C1orf87: variants seen among roughly 807,000 people sequenced by gnomAD.
The protein encoded by C1orf87 is uncharacterized protein C1orf87.
A neutral mutation model predicts 60.5 loss-of-function variants in C1orf87; 58 were observed. The observed-to-expected ratio is 0.96, with a 90% CI of 0.78 to 1.19. The LOEUF is 1.19. Among genes scored for constraint, C1orf87 ranks in the 50% most tolerant of loss-of-function variants. C1orf87 has a pLI of 0.00. For missense variants in C1orf87, 673 were observed against 638.6 expected, an observed-to-expected ratio of 1.05 and a Z score of -0.58; for synonymous variants, 236 against 227.4, an observed-to-expected ratio of 1.04 and a Z score of -0.34.
chr1:60,046,870 G>A (rs983628668), intron 3 of C1orf87, among the ~76,000 whole-genome samples: 1 of 152,124 alleles, frequency 6.6e-6, no homozygotes, highest in South Asian at 2.1e-4. Context: ...GCACCCCTAT[G>A]CTGTTTTTAA....
intron 10 of C1orf87, 71 bp downstream of exon 10, chr1:60,001,006 T>C (rs905398513): frequency 2.4e-6 from 3 of 1,252,594 alleles, no homozygotes; most frequent in Non-Finnish European, 3.5e-6. Context: ...GAGAGCCCCA[T>C]CCAGCATCAG....
intron 3 of C1orf87, among the ~76,000 whole-genome samples, chr1:60,043,009 G>A (rs1645337846): frequency 6.6e-6 from 1 of 152,188 alleles, no homozygotes; most frequent in Admixed American, 6.5e-5. Flanking sequence ...ATTTGGATAG[G>A]CTAACAAGTG....
chr1:60,040,968 T>C (rs1348878812), intron 4 of C1orf87, 23 bp downstream of exon 4: 7 of 1,571,974 alleles, frequency 4.5e-6, no homozygotes, highest in Non-Finnish European at 5.2e-6. Flanking sequence ...TAGACACAAC[T>C]CAACAACTCT....
chr1:60,009,745 T>C lies in C1orf87; in HGVS notation c.1192+647A>G, dbSNP rs186661219. ...GAAAAACTACAACAGCAGATTAATA[T>C]CAATGCATATTTTTTCACCTGTCAT... On this transcript the variant is annotated intron_variant, in intron 9 of 11. Transcript: ENST00000371201. Among the ~76,000 whole-genome samples, 62 of 152,126 alleles carry C rather than the reference T, an allele frequency of 4.1e-4. 2 individuals are homozygous for C. In the East Asian group the frequency reaches 0.012, roughly 29 times the overall value.
At chr1:60,008,284 C>T (rs1645059858) in intron 9 of C1orf87, among the ~76,000 whole-genome samples, 1 of 151,826 alleles carries the variant, frequency 6.6e-6, no homozygotes, top group Non-Finnish European at 1.5e-5. Context: ...TATATTTTGC[C>T]CATTTTAGAT....
intron 8 of C1orf87, among the ~76,000 whole-genome samples, chr1:60,019,653 G>A (rs1645148588): frequency 6.6e-6 from 1 of 152,146 alleles, no homozygotes. Context: ...ACAGTGATAT[G>A]GACAATGACG....
At chr1:59,999,805 T>C (rs1644988860) in intron 10 of C1orf87, among the ~76,000 whole-genome samples, 1 of 152,250 alleles carries the variant, frequency 6.6e-6, no homozygotes, top group South Asian at 2.1e-4. Flanking sequence ...ATGGAAGCTG[T>C]TTTATACCTT....
chr1:60,009,987 A>C (rs768103958), intron 9 of C1orf87, among the ~76,000 whole-genome samples: 24 of 150,978 alleles, frequency 1.6e-4, no homozygotes, highest in Non-Finnish European at 2.1e-4. Context: ...AAACCTATAC[A>C]CTAAACATAT....
At chr1:60,029,710 A>G (rs1237570117) in intron 7 of C1orf87, among the ~76,000 whole-genome samples, 1 of 136,648 alleles carries the variant, frequency 7.3e-6, no homozygotes, top group Non-Finnish European at 1.5e-5. Flanking sequence ...GCAGGATCTC[A>G]GCTTGCTGCA....
At chr1:60,001,238 A>G in intron 9 of C1orf87, 82 bp from the exon 10 acceptor site, 1 of 952,604 alleles carries the variant, frequency 1.0e-6, no homozygotes, top group South Asian at 2.1e-5. Flanking sequence ...AGGCAACAAC[A>G]ACAGCAACAA....
chr1:60,065,710 A>G (rs938082586), intron 2 of C1orf87, among the ~76,000 whole-genome samples: 2 of 152,154 alleles, frequency 1.3e-5, no homozygotes, highest in Non-Finnish European at 2.9e-5. Context: ...TAACACTTAA[A>G]GGAGTTTAAG....
chr1:60,033,743 C>A, intron 6 of C1orf87, 102 bp from the exon 7 acceptor site: 2 of 1,323,486 alleles, frequency 1.5e-6, no homozygotes, highest in Non-Finnish European at 2.1e-6. Flanking sequence ...CACTATGGAA[C>A]CAGAGAGCCC....
At chr1:59,994,518 C>T (rs892527825) in intron 11 of C1orf87, among the ~76,000 whole-genome samples, 1 of 152,200 alleles carries the variant, frequency 6.6e-6, no homozygotes, top group Non-Finnish European at 1.5e-5. Context: ...TTCTTTCAGG[C>T]TCTCATTGCA....
Position 60,035,799 on chromosome 1 carries a change from G to C in C1orf87, c.864-2158C>G, listed in dbSNP as rs577230718. 2.6e-5 allele frequency among the ~76,000 whole-genome samples: 4 copies of C among 152,276 alleles called. No individual in the cohort carries two copies. In the South Asian group the frequency reaches 8.3e-4, roughly 32 times the overall value. ...CTTCTGTATGCCAGGAACTATGTTA[G>C]AACTATGCTAGACACAGAGTTGGCC... On this transcript the variant is annotated intron_variant, in intron 6 of 11. Transcript: ENST00000371201.
chr1:60,062,169 T>TA (rs746487569), intron 2 of C1orf87, among the ~76,000 whole-genome samples: 6 of 152,196 alleles, frequency 3.9e-5, no homozygotes, highest in African/African-American at 9.6e-5. Context: ...CTAGTGCTCC[T>TA]ACCAACCTTG....
intron 2 of C1orf87, among the ~76,000 whole-genome samples, chr1:60,061,832 T>C (rs1031301051): frequency 1.4e-5 from 2 of 147,882 alleles, no homozygotes; most frequent in African/African-American, 5.0e-5. Context: ...ACACCTGTAG[T>C]TCCAGCTACT....
intron 2 of C1orf87, among the ~76,000 whole-genome samples, chr1:60,058,112 T>C (rs901330286): frequency 1.3e-5 from 2 of 152,216 alleles, no homozygotes; most frequent in Non-Finnish European, 2.9e-5. Flanking sequence ...CTTCAAGAAA[T>C]TTAAATTTCA....
intron 9 of C1orf87, among the ~76,000 whole-genome samples, chr1:60,007,889 G>C (rs925569270): frequency 6.6e-6 from 1 of 152,014 alleles, no homozygotes; most frequent in Non-Finnish European, 1.5e-5. Context: ...TTTGAGTGCA[G>C]AGAGGTCCTA....
chr1:60,011,574 A>C (rs1645085276), intron 8 of C1orf87, among the ~76,000 whole-genome samples: 2 of 152,064 alleles, frequency 1.3e-5, no homozygotes, highest in South Asian at 4.1e-4. Flanking sequence ...TGTGTTAGCA[A>C]AAGACAGTTT....
Sources: gnomAD v4.1 joint callset for allele counts (sites outside exome capture counted in the v4.1 genomes callset) on GRCh38, gnomAD v4.1.1 for gene constraint, MANE v1.5 for transcripts, NCBI Gene and HGNC (gene_info 2026-07-23, HGNC 2026-07-21) for gene names.